Variants in RANBP2 observed in about 807,000 individuals in gnomAD.
RANBP2 encodes E3 SUMO-protein ligase RanBP2.
Under a neutral mutation model 303.6 loss-of-function variants are expected in RANBP2, and 57 were observed. That is an observed-to-expected ratio of 0.19 (90% CI 0.15 to 0.23). RANBP2 has a LOEUF of 0.23. Ranked by LOEUF, RANBP2 falls within the 10% of genes least tolerant of loss-of-function variation. RANBP2 has a pLI of 1.00. For synonymous variants in RANBP2, 1,167 were observed against 1,301.5 expected, an observed-to-expected ratio of 0.90 and a Z score of 2.23; for missense variants, 3,138 against 3,780.8, an observed-to-expected ratio of 0.83 and a Z score of 4.46.
chr2:109,576,160 C>T, the RANBP2 span, among the ~76,000 whole-genome samples: 1 of 152,182 alleles, frequency 6.6e-6, no homozygotes, highest in Non-Finnish European at 1.5e-5. Flanking sequence ...ACTTGAGAGG[C>T]TAAGGCAGGC....
the RANBP2 span, among the ~76,000 whole-genome samples, chr2:109,709,207 G>C: frequency 6.6e-6 from 1 of 151,108 alleles, no homozygotes. Flanking sequence ...TCGGGAGGCT[G>C]AGGCAGGAGA....
the RANBP2 span, among the ~76,000 whole-genome samples, chr2:109,705,013 A>G: frequency 6.6e-6 from 1 of 151,970 alleles, no homozygotes; most frequent in African/African-American, 2.4e-5. Flanking sequence ...ATATTGGCAA[A>G]TTAAAAACAA....
the RANBP2 span, among the ~76,000 whole-genome samples, chr2:109,482,566 C>T: frequency 5.3e-5 from 8 of 152,200 alleles, no homozygotes; most frequent in African/African-American, 9.7e-5. Flanking sequence ...CCCACTCCCG[C>T]GCCCAGCCCG....
At chr2:109,287,444 A>C in the RANBP2 span, among the ~76,000 whole-genome samples, 1 of 152,124 alleles carries the variant, frequency 6.6e-6, no homozygotes, top group Non-Finnish European at 1.5e-5. Flanking sequence ...GTGCTTAGGT[A>C]TCTCTAGGCT....
intron 4 of RANBP2, among the ~76,000 whole-genome samples, chr2:108,733,469 C>G (rs1695339551): frequency 6.6e-6 from 1 of 152,024 alleles, no homozygotes; most frequent in Non-Finnish European, 1.5e-5. Context: ...TTGGTTATTT[C>G]TAGGTTTTGG....
the RANBP2 span, among the ~76,000 whole-genome samples, chr2:109,412,124 G>A: frequency 3.6e-3 from 555 of 152,320 alleles, 1 homozygote; most frequent in African/African-American, 0.012. Flanking sequence ...GGTGGATGCC[G>A]GCACAGATGG....
chr2:108,720,208 G>T (rs555026887), intron 1 of RANBP2: 3 of 953,662 alleles, frequency 3.1e-6, no homozygotes, highest in South Asian at 4.9e-5. Context: ...GCAATGGCCC[G>T]ACGGCGCAAA....
chr2:109,744,025 T>C, the RANBP2 span, among the ~76,000 whole-genome samples: 3 of 101,662 alleles, frequency 3.0e-5, 1 homozygote, highest in African/African-American at 2.7e-5. Flanking sequence ...AAATCCACCA[T>C]TGATGGGCAC....
At chr2:109,262,786 G>A in the RANBP2 span, among the ~76,000 whole-genome samples, 2 of 151,966 alleles carry the variant, frequency 1.3e-5, no homozygotes, top group Non-Finnish European at 2.9e-5. Context: ...ATATGTAATG[G>A]GCCCAATGAT....
the RANBP2 span, chr2:109,585,329 A>T: frequency 6.3e-7 from 1 of 1,588,526 alleles, no homozygotes; most frequent in Admixed American, 1.8e-5. Context: ...CCCCTGAAAC[A>T]CACAAAGGTA....
At chr2:109,268,235 G>A in the RANBP2 span, among the ~76,000 whole-genome samples, 1 of 151,960 alleles carries the variant, frequency 6.6e-6, no homozygotes, top group Non-Finnish European at 1.5e-5. Context: ...TGTGTGGAAT[G>A]GAAAACCCTG....
the RANBP2 span, among the ~76,000 whole-genome samples, chr2:109,071,030 C>T: frequency 6.6e-6 from 1 of 151,982 alleles, no homozygotes; most frequent in Non-Finnish European, 1.5e-5. Flanking sequence ...TATAAATTAC[C>T]CATATTTAGG....
At chr2:109,185,559 G>A in the RANBP2 span, among the ~76,000 whole-genome samples, 1 of 152,224 alleles carries the variant, frequency 6.6e-6, no homozygotes, top group Admixed American at 6.5e-5. Flanking sequence ...TGGGGGTGGA[G>A]TCTCTGTCTC....
chr2:109,271,691 G>A, the RANBP2 span, among the ~76,000 whole-genome samples: 1 of 152,212 alleles, frequency 6.6e-6, no homozygotes, highest in Non-Finnish European at 1.5e-5. Context: ...TTGTCATTTA[G>A]GACGAAGGGC....
the RANBP2 span, among the ~76,000 whole-genome samples, chr2:109,628,168 C>A: frequency 6.6e-6 from 1 of 152,124 alleles, no homozygotes; most frequent in African/African-American, 2.4e-5. Context: ...ATGCTCCAGG[C>A]TACTAAACCA....
chr2:109,122,584 T>C, the RANBP2 span, among the ~76,000 whole-genome samples: 2 of 152,286 alleles, frequency 1.3e-5, no homozygotes, highest in South Asian at 2.1e-4. Flanking sequence ...AACACAGTAA[T>C]TTAGGCCAGC....
At chr2:108,981,907 A>G in the RANBP2 span, among the ~76,000 whole-genome samples, 1 of 152,214 alleles carries the variant, frequency 6.6e-6, no homozygotes, top group Admixed American at 6.5e-5. Context: ...GGAAGCAACA[A>G]ATGCCCAATA....
the RANBP2 span, among the ~76,000 whole-genome samples, chr2:109,369,976 T>G: frequency 6.6e-6 from 1 of 152,186 alleles, no homozygotes; most frequent in African/African-American, 2.4e-5. Flanking sequence ...CATGAGGCCA[T>G]CTCTTGGCCA....
the RANBP2 span, among the ~76,000 whole-genome samples, chr2:109,427,393 GAC>G: frequency 1.3e-5 from 2 of 152,164 alleles, no homozygotes; most frequent in African/African-American, 2.4e-5. Flanking sequence ...AAATTCGGGT[GAC>G]AGTTTATTGC....
Sources: allele counts gnomAD v4.1 joint callset (sites outside exome capture counted in the v4.1 genomes callset), GRCh38; gene constraint gnomAD v4.1.1; transcripts MANE v1.5; gene names NCBI Gene and HGNC (gene_info 2026-07-23, HGNC 2026-07-21).